Variants in SBF2 observed in about 807,000 individuals in gnomAD.
SBF2 encodes SET binding factor 2.
In SBF2, 112 loss-of-function variants were observed where a neutral mutation model predicts 225.2. That is an observed-to-expected ratio of 0.50 (90% CI 0.43 to 0.58). The LOEUF (loss-of-function observed/expected upper bound fraction) is 0.58. Among genes scored for constraint, SBF2 ranks in the 20% least tolerant of loss-of-function variants. The pLI is 0.00. For synonymous variants in SBF2, 763 were observed against 773.3 expected (o/e 0.99, Z 0.22); for missense variants, 1,996 against 2,206.2 (o/e 0.90, Z 1.91).
At chr11:9,994,213 G>A (rs185519317) in intron 9 of SBF2, among the ~76,000 whole-genome samples, 78 of 152,212 alleles carry the variant, frequency 5.1e-4, no homozygotes, top group Admixed American at 1.3e-3. Flanking sequence ...GGTGGCTCAC[G>A]CCTGTAATCC....
chr11:9,959,753 C>T (rs1565060876), intron 16 of SBF2: 1 of 656,448 alleles, frequency 1.5e-6, no homozygotes, highest in Non-Finnish European at 2.9e-6. Flanking sequence ...TGCTTGACGC[C>T]TCTGTTTAAG....
intron 2 of SBF2, among the ~76,000 whole-genome samples, chr11:10,058,173 T>C: frequency 6.6e-6 from 1 of 152,204 alleles, no homozygotes; most frequent in East Asian, 1.9e-4. Context: ...CCAAACTGGA[T>C]GGATTGACGA....
intron 12 of SBF2, among the ~76,000 whole-genome samples, chr11:9,990,267 G>T (rs1714068418): frequency 6.6e-6 from 1 of 152,150 alleles, no homozygotes; most frequent in Non-Finnish European, 1.5e-5. Flanking sequence ...CACTGCATAG[G>T]CATATAAAAC....
chr11:9,893,873 A>G (rs1861034098), intron 17 of SBF2, among the ~76,000 whole-genome samples: 1 of 152,162 alleles, frequency 6.6e-6, no homozygotes, highest in African/African-American at 2.4e-5. Context: ...GTTGCTCCCT[A>G]TATTTTATTC....
intron 17 of SBF2, among the ~76,000 whole-genome samples, chr11:9,882,615 T>C (rs1156239066): frequency 2.6e-5 from 4 of 152,130 alleles, no homozygotes; most frequent in East Asian, 1.9e-4. Flanking sequence ...GAGACCATCC[T>C]GGCTAACACG....
At chr11:10,228,250 A>G (rs1373457530) in intron 1 of SBF2, among the ~76,000 whole-genome samples, 1 of 152,202 alleles carries the variant, frequency 6.6e-6, no homozygotes, top group African/African-American at 2.4e-5. Context: ...CTAGATATAC[A>G]ATCATGTCAT....
Position 10,200,257 on chromosome 11 carries a change from C to T in SBF2, c.56-6270G>A, listed in dbSNP as rs115299963. Among the ~76,000 whole-genome samples, 276 of 152,246 alleles carry T rather than the reference C, an allele frequency of 1.8e-3. 2 individuals are homozygous for T. The highest frequency in any genetic ancestry group is 6.4e-3 in the African/African-American group (268 of 41,556). On this transcript the variant is annotated intron_variant, in intron 1 of 39. Coordinates refer to ENST00000256190, the MANE Select transcript of SBF2 (RefSeq NM_030962.4). ...ATATAAAAAATGAAGATACTATTAC[C>T]TAACTCTTAGAGCTCTTGTGAGGAA...
intron 13 of SBF2, among the ~76,000 whole-genome samples, chr11:9,970,996 G>T (rs1162661906): frequency 6.6e-6 from 1 of 152,122 alleles, no homozygotes; most frequent in Non-Finnish European, 1.5e-5. Flanking sequence ...TAGTGTTTTT[G>T]TTCTTCTCTG....
chr11:10,164,691 G>A (rs1955879586), intron 2 of SBF2, among the ~76,000 whole-genome samples: 2 of 150,392 alleles, frequency 1.3e-5, no homozygotes, highest in African/African-American at 2.4e-5. Flanking sequence ...ACTACCAAAT[G>A]GAAACAACCA....
At chr11:10,205,436 G>A (rs115528611) in intron 1 of SBF2, among the ~76,000 whole-genome samples, 1 of 151,902 alleles carries the variant, frequency 6.6e-6, no homozygotes, top group Admixed American at 6.5e-5. Flanking sequence ...AAGGTGGTAA[G>A]AGGAAAGTAA....
intron 28 of SBF2, among the ~76,000 whole-genome samples, chr11:9,822,256 CTCT>C (rs1459238052): frequency 6.8e-6 from 1 of 146,896 alleles, no homozygotes; most frequent in Non-Finnish European, 1.5e-5. Flanking sequence ...TGTAACTAAA[CTCT>C]TTTTTTTTTT....
intron 17 of SBF2, among the ~76,000 whole-genome samples, chr11:9,876,763 G>A (rs1312934890): frequency 6.6e-6 from 1 of 152,090 alleles, no homozygotes; most frequent in Admixed American, 6.6e-5. Flanking sequence ...GTTTTGAGAT[G>A]GAGTCTTGCT....
chr11:9,980,470 TG>T (rs1376274780), intron 13 of SBF2, among the ~76,000 whole-genome samples: 4 of 151,944 alleles, frequency 2.6e-5, no homozygotes, highest in African/African-American at 9.7e-5. Context: ...AGAAATGTTA[TG>T]GCTAATGATT....
chr11:9,882,918 T>G (rs193043482), intron 17 of SBF2, among the ~76,000 whole-genome samples: 1 of 152,200 alleles, frequency 6.6e-6, no homozygotes, highest in East Asian at 1.9e-4. Context: ...TAATTCACAT[T>G]GCTTCTCTTG....
intron 2 of SBF2, among the ~76,000 whole-genome samples, chr11:10,059,851 T>A (rs955196204): frequency 6.6e-6 from 1 of 152,092 alleles, no homozygotes; most frequent in Non-Finnish European, 1.5e-5. Flanking sequence ...TAATACAACA[T>A]ACCAGAATCT....
chr11:9,846,106 A>T (rs751370253), intron 23 of SBF2, among the ~76,000 whole-genome samples: 1 of 152,202 alleles, frequency 6.6e-6, no homozygotes, highest in Non-Finnish European at 1.5e-5. Flanking sequence ...AAATGTAGGA[A>T]GAAAAGAAAT....
At chr11:10,220,709 A>G (rs900862396) in intron 1 of SBF2, among the ~76,000 whole-genome samples, 6 of 152,190 alleles carry the variant, frequency 3.9e-5, no homozygotes, top group Non-Finnish European at 7.3e-5. Context: ...ATGAGATTCA[A>G]GGCCTTGAAT....
At chr11:9,959,373 G>A in intron 16 of SBF2, 1 of 795,106 alleles carries the variant, frequency 1.3e-6, no homozygotes, top group Non-Finnish European at 2.3e-6. Flanking sequence ...CAACCAAAGG[G>A]GTGCCCGTCT....
chr11:10,150,417 A>G (rs1955120204), intron 2 of SBF2, among the ~76,000 whole-genome samples: 1 of 152,188 alleles, frequency 6.6e-6, no homozygotes, highest in African/African-American at 2.4e-5. Flanking sequence ...AAATGTCAAC[A>G]TAAAAGATTA....
Sources: allele counts gnomAD v4.1 joint callset (sites outside exome capture counted in the v4.1 genomes callset), GRCh38; gene constraint gnomAD v4.1.1; transcripts MANE v1.5; gene names NCBI Gene and HGNC (gene_info 2026-07-23, HGNC 2026-07-21).